Variants in ARMC2 observed in about 807,000 individuals in gnomAD.
ARMC2 encodes armadillo repeat-containing protein 2.
ARMC2 carries 67 observed loss-of-function variants against 90.3 expected under a neutral mutation model. That is an observed-to-expected ratio of 0.74 (90% confidence interval 0.61 to 0.91). ARMC2 has a LOEUF of 0.91. Ranked by LOEUF, ARMC2 falls within the 40% of genes least tolerant of loss-of-function variation. The pLI is 0.00. For synonymous variants in ARMC2, 393 were observed against 393.0 expected, an observed-to-expected ratio of 1.00 and a Z score of 0.00; for missense variants, 920 against 1,030.9, an observed-to-expected ratio of 0.89 and a Z score of 1.47.
the ARMC2 span, chr6:108,998,880 T>C: frequency 8.4e-6 from 10 of 1,186,178 alleles, no homozygotes; most frequent in Middle Eastern, 2.9e-4. Context: ...AAAATTATCA[T>C]TTGAAACATG....
chr6:108,865,800 T>C (rs865872398), intron 3 of ARMC2, among the ~76,000 whole-genome samples: 1 of 152,156 alleles, frequency 6.6e-6, no homozygotes, highest in African/African-American at 2.4e-5. Context: ...AGGAGAGCTT[T>C]TGAGCTCAGG....
the ARMC2 span, chr6:109,008,742 T>C: frequency 1.0e-6 from 1 of 979,772 alleles, no homozygotes; most frequent in African/African-American, 1.8e-5. Context: ...AATGTTACAA[T>C]TAAGTACCTC....
chr6:108,945,158 T>A (rs1776718531), intron 12 of ARMC2, among the ~76,000 whole-genome samples: 1 of 152,038 alleles, frequency 6.6e-6, no homozygotes, highest in African/African-American at 2.4e-5. Flanking sequence ...ACAAAACAAA[T>A]GTGCAAGCAG....
intron 3 of ARMC2, among the ~76,000 whole-genome samples, chr6:108,865,181 T>C (rs543941123): frequency 5.8e-4 from 88 of 151,942 alleles, no homozygotes; most frequent in African/African-American, 2.1e-3. Context: ...TGGGGTTTCA[T>C]CATGTTGGCT....
chr6:108,897,114 T>C (rs1771683333), intron 6 of ARMC2, among the ~76,000 whole-genome samples: 1 of 152,180 alleles, frequency 6.6e-6, no homozygotes, highest in Admixed American at 6.5e-5. Context: ...ACCCAAAAGA[T>C]TGAGATGGTA....
chr6:108,860,745 A>AG (rs1305040598), intron 3 of ARMC2, among the ~76,000 whole-genome samples: 2 of 150,816 alleles, frequency 1.3e-5, no homozygotes, highest in Non-Finnish European at 2.9e-5. Flanking sequence ...ACCTGTAGTT[A>AG]GGGGGATCTG....
intron 3 of ARMC2, among the ~76,000 whole-genome samples, chr6:108,866,599 A>G (rs780942664): frequency 7.2e-5 from 11 of 152,202 alleles, no homozygotes; most frequent in Non-Finnish European, 1.6e-4. Flanking sequence ...GTTTATGGGA[A>G]TGGCCCTGTA....
chr6:108,929,776 C>T (rs143599494), intron 11 of ARMC2, among the ~76,000 whole-genome samples: 95 of 152,290 alleles, frequency 6.2e-4, no homozygotes, highest in Non-Finnish European at 1.2e-3. Flanking sequence ...AGCCACTCTG[C>T]CTGGCCTTCA....
chr6:108,961,928 CAGTATTA>C, intron 14 of ARMC2, 79 bp from the exon 15 acceptor site: 1 of 1,012,338 alleles, frequency 9.9e-7, no homozygotes, highest in Non-Finnish European at 1.4e-6. Context: ...TGAAAATCAT[CAGTATTA>C]AGTATGATGT....
At chr6:108,934,340 G>A (rs1285137589) in intron 11 of ARMC2, among the ~76,000 whole-genome samples, 1 of 152,166 alleles carries the variant, frequency 6.6e-6, no homozygotes, top group Non-Finnish European at 1.5e-5. Flanking sequence ...TGTTAATATA[G>A]TAAATTACAC....
chr6:108,954,360 C>T (rs1777413504), intron 13 of ARMC2, among the ~76,000 whole-genome samples: 1 of 152,190 alleles, frequency 6.6e-6, no homozygotes. Flanking sequence ...CCTGGTGGCT[C>T]AGGCCTGTAA....
chr6:108,972,238 T>C (rs1432485300), intron 17 of ARMC2, among the ~76,000 whole-genome samples: 2 of 152,240 alleles, frequency 1.3e-5, no homozygotes, highest in Non-Finnish European at 2.9e-5. Flanking sequence ...CCAGAATTCC[T>C]TGGATTAAGA....
the ARMC2 span, chr6:109,009,090 G>A: frequency 1.2e-5 from 10 of 806,604 alleles, no homozygotes; most frequent in Non-Finnish European, 1.3e-5. Context: ...GACCGCGGCC[G>A]CAGTCTCTCC....
At chr6:108,889,465 G>A (rs959271136) in intron 5 of ARMC2, among the ~76,000 whole-genome samples, 1 of 151,076 alleles carries the variant, frequency 6.6e-6, no homozygotes, top group African/African-American at 2.4e-5. Flanking sequence ...TTTTGAGACA[G>A]GGTCTCACTC....
chr6:109,045,350 A>G, the ARMC2 span, among the ~76,000 whole-genome samples: 5 of 152,188 alleles, frequency 3.3e-5, no homozygotes, highest in Non-Finnish European at 7.3e-5. Flanking sequence ...CTTCTAGCCT[A>G]TTCTCTACAC....
intron 12 of ARMC2, among the ~76,000 whole-genome samples, chr6:108,937,947 T>C (rs778768341): frequency 6.6e-6 from 1 of 152,156 alleles, no homozygotes; most frequent in East Asian, 1.9e-4. Flanking sequence ...CCGCCCACCT[T>C]GGCCTCCCTC....
chr6:109,036,467 G>A, the ARMC2 span, among the ~76,000 whole-genome samples: 1 of 152,152 alleles, frequency 6.6e-6, no homozygotes, highest in East Asian at 1.9e-4. Flanking sequence ...TTGGCTCCAG[G>A]AGAATGAAAA....
the ARMC2 span, among the ~76,000 whole-genome samples, chr6:108,997,845 G>A: frequency 6.6e-6 from 1 of 152,106 alleles, no homozygotes; most frequent in Admixed American, 6.5e-5. Flanking sequence ...TGCAGAAGGA[G>A]ATTTTGATTC....
chr6:108,923,547 G>A (rs1774805860), intron 10 of ARMC2, among the ~76,000 whole-genome samples: 1 of 150,440 alleles, frequency 6.6e-6, no homozygotes, highest in Non-Finnish European at 1.5e-5. Flanking sequence ...GCAAAATTCA[G>A]TTAAATGGGT....
Sources: gnomAD v4.1 joint callset for allele counts (sites outside exome capture counted in the v4.1 genomes callset) on GRCh38, gnomAD v4.1.1 for gene constraint, MANE v1.5 for transcripts, NCBI Gene and HGNC (gene_info 2026-07-23, HGNC 2026-07-21) for gene names.